NDUFA9: variants seen among roughly 807,000 people sequenced by gnomAD.
The protein encoded by NDUFA9 is NADH dehydrogenase [ubiquinone] 1 alpha subcomplex subunit 9, mitochondrial.
In NDUFA9, 23 loss-of-function variants were observed where a neutral mutation model predicts 45.9. The observed-to-expected ratio is 0.50, with a 90% CI of 0.36 to 0.71. NDUFA9 has a LOEUF of 0.71. NDUFA9 is among the 30% of genes least tolerant of loss of function. The pLI, the probability that NDUFA9 is intolerant of heterozygous loss-of-function variation, is 0.00. For synonymous variants in NDUFA9, 176 were observed against 170.5 expected (o/e 1.03, Z -0.25); for missense variants, 466 against 488.2 (o/e 0.95, Z 0.43).
chr12:4,664,391 A>G (rs1377131081), intron 6 of NDUFA9, among the ~76,000 whole-genome samples: 4 of 152,250 alleles, frequency 2.6e-5, no homozygotes, highest in African/African-American at 4.8e-5. Context: ...CTGATATCCT[A>G]CAGGACCAGA....
chr12:4,659,230 C>G lies in NDUFA9; in HGVS notation c.552+53C>G, dbSNP rs1945809639. On this transcript the variant is annotated intron_variant, in intron 5 of 10. Coordinates refer to ENST00000266544, the MANE Select transcript of NDUFA9 (RefSeq NM_005002.5). ...GTTCACAGAGCCAGAGTTTCTTGGG[C>G]CATTTGAAACATGATTTCAGTGAGA... 3.4e-6 allele frequency: 5 copies of G among 1,477,948 alleles called. No individual in the cohort carries two copies. In the South Asian group the frequency reaches 6.0e-5, roughly 18 times the overall value. The allele number at this position is 1,477,948 out of a possible 1,614,324, so 91.6% of individuals were successfully genotyped here.
chr12:4,667,396 T>C (rs182627229), intron 6 of NDUFA9: 177 of 157,568 alleles, frequency 1.1e-3, no homozygotes, highest in Non-Finnish European at 1.9e-3. Flanking sequence ...TAATTGTGCC[T>C]TTAATTTCTT....
intron 8 of NDUFA9, among the ~76,000 whole-genome samples, chr12:4,673,153 A>G (rs1945897884): frequency 6.6e-6 from 1 of 152,206 alleles, no homozygotes; most frequent in African/African-American, 2.4e-5. Flanking sequence ...AAACTAACAA[A>G]CAGAAAAGAA....
intron 8 of NDUFA9, among the ~76,000 whole-genome samples, chr12:4,677,178 G>C (rs1001556681): frequency 1.3e-5 from 2 of 152,154 alleles, no homozygotes; most frequent in Non-Finnish European, 2.9e-5. Flanking sequence ...TTAAACGTAA[G>C]ACCTAAAACC....
intron 7 of NDUFA9, 114 bp from the exon 8 acceptor site, chr12:4,669,627 T>G: frequency 1.5e-6 from 1 of 674,136 alleles, no homozygotes. Context: ...CCTTCCTCCT[T>G]TCTCCTTCCT....
Position 4,657,789 on chromosome 12 carries a change from A to G in NDUFA9, c.360A>G (p.Val120=), listed in dbSNP as rs150264204. Reference sequence around the variant, plus strand: ...ATAAAGATTCTATCCGACGAGTAGTACAACACAGCAATGTGGTCATCAATC... The same window carrying G: ...ATAAAGATTCTATCCGACGAGTAGTGCAACACAGCAATGTGGTCATCAATC... ...ARDKDSIRRV[V]QHSNVVINLI... The change falls in exon 4 of 11, where the codon GTA becomes GTG. Residue 120 remains valine (V), a synonymous_variant. Coordinates refer to ENST00000266544, the MANE Select transcript of NDUFA9 (RefSeq NM_005002.5). 3.7e-6 allele frequency: 6 copies of G among 1,613,832 alleles called. No homozygotes were observed. The highest frequency in any genetic ancestry group is 5.1e-6 in the Non-Finnish European group (6 of 1,179,752).
chr12:4,675,093 A>C (rs1435537052), intron 8 of NDUFA9, among the ~76,000 whole-genome samples: 1 of 152,242 alleles, frequency 6.6e-6, no homozygotes, highest in Non-Finnish European at 1.5e-5. Context: ...ATGAAGGCAG[A>C]AATAAAGATG....
At chr12:4,679,491 A>C (rs188334846) in intron 8 of NDUFA9, among the ~76,000 whole-genome samples, 360 of 152,332 alleles carry the variant, frequency 2.4e-3, no homozygotes, top group African/African-American at 8.2e-3. Flanking sequence ...AATTAAGCAA[A>C]ATAATTAAAA....
At position 4,681,003 on chromosome 12, in the gene NDUFA9, T is replaced by C. The variant is rs114142515; in HGVS notation, c.801-1202T>C. On this transcript the variant is annotated intron_variant, in intron 8 of 10. Coordinates refer to ENST00000266544, the MANE Select transcript of NDUFA9 (RefSeq NM_005002.5). ...TATAGTATGTGATAAGGGTGACATT[T>C]CAGTATAGGGAAAGAGGCAGTACAG... Among the ~76,000 whole-genome samples, 1,419 of 152,282 alleles carry C rather than the reference T, an allele frequency of 9.3e-3. 18 individuals carry two copies. Among genetic ancestry groups the C allele is most frequent in the African/African-American group, 0.031 (1,304 of 41,546 alleles).
At chr12:4,657,189 A>T (rs1945795492) in intron 3 of NDUFA9, 1 of 152,416 alleles carries the variant, frequency 6.6e-6, no homozygotes, top group Non-Finnish European at 1.5e-5. Context: ...GTTCTCTTTG[A>T]CTCTTGTTTT....
intron 8 of NDUFA9, among the ~76,000 whole-genome samples, chr12:4,672,231 A>C (rs971060836): frequency 3.3e-5 from 5 of 152,216 alleles, no homozygotes; most frequent in Non-Finnish European, 5.9e-5. Flanking sequence ...TGGTCTTTGC[A>C]ATCCGCAGAC....
chr12:4,683,856 G>A (rs1348421577), intron 9 of NDUFA9, among the ~76,000 whole-genome samples: 1 of 152,120 alleles, frequency 6.6e-6, no homozygotes, highest in Non-Finnish European at 1.5e-5. Context: ...AACAATGCCT[G>A]GTACACATTA....
chr12:4,675,483 C>T (rs1218492422), intron 8 of NDUFA9, among the ~76,000 whole-genome samples: 1 of 152,038 alleles, frequency 6.6e-6, no homozygotes, highest in Non-Finnish European at 1.5e-5. Context: ...GGGATATCAC[C>T]ACTGATCCCA....
intron 3 of NDUFA9, chr12:4,655,474 TTCA>T (rs1190189276): frequency 6.6e-6 from 1 of 152,228 alleles, no homozygotes; most frequent in Non-Finnish European, 1.5e-5. Flanking sequence ...CAATATACGA[TTCA>T]TCATTAACAA....
At position 4,692,168 on chromosome 12, in the gene NDUFA9, C is replaced by T. The variant is rs2137494520; in HGVS notation, c.*5060C>T. ...ATTGGTGATGTGGTTTGGATGTCCC[C>T]ACCCAAATCTCATGTTGCAATGTAA... On this transcript the variant is annotated 3_prime_UTR_variant, in exon 11 of 11. Transcript: ENST00000266544. 6.6e-6 allele frequency: 1 copy of T among 152,262 alleles called. No individual in the cohort carries two copies. Among genetic ancestry groups the T allele is most frequent in the South Asian group, 2.1e-4 (1 of 4,818 alleles). The allele number at this position is 152,262 out of a possible 1,614,324, so 9.4% of individuals were successfully genotyped here.
chr12:4,663,516 A>G (rs142948554), intron 6 of NDUFA9, among the ~76,000 whole-genome samples: 1 of 152,240 alleles, frequency 6.6e-6, no homozygotes, highest in East Asian at 1.9e-4. Context: ...AAAAAGAGAG[A>G]TCTCTCTCTC....
rs535416951 is a variant in NDUFA9, at chr12:4,667,505, T to C, written c.656-952T>C. 1.6e-3 allele frequency: 366 copies of C among 225,814 alleles called. 4 individuals are homozygous for C. Among genetic ancestry groups the C allele is most frequent in the African/African-American group, 8.9e-3 (346 of 38,918 alleles). The allele number at this position is 225,814 out of a possible 1,614,324, so 14.0% of individuals were successfully genotyped here. A position where few individuals can be genotyped will look rare whatever the true frequency, so the allele number is the denominator to read the frequency against. On this transcript the variant is annotated intron_variant, in intron 6 of 10. Transcript: ENST00000266544. ...TCTTTATTGTACTATTGTGAATAAT[T>C]TCTACTCTTTTTTTTTTTTTTTTTG...
intron 7 of NDUFA9, chr12:4,668,789 A>T (rs1194200639): frequency 2.4e-6 from 1 of 417,850 alleles, no homozygotes; most frequent in Non-Finnish European, 4.4e-6. Flanking sequence ...TATTAACTAG[A>T]TAGACACAAA....
chr12:4,649,258 C>A (rs1480038361), intron 1 of NDUFA9, 83 bp downstream of exon 1: 2 of 1,481,354 alleles, frequency 1.4e-6, no homozygotes, highest in South Asian at 1.2e-5. Context: ...CGTGCTGCAG[C>A]GGTCACGCCA....
Sources: gnomAD v4.1 joint callset for allele counts (sites outside exome capture counted in the v4.1 genomes callset) on GRCh38, gnomAD v4.1.1 for gene constraint, MANE v1.5 for transcripts, NCBI Gene and HGNC (gene_info 2026-07-23, HGNC 2026-07-21) for gene names.